Variants in MDGA2 observed in about 807,000 individuals in gnomAD.
The protein encoded by MDGA2 is MAM domain containing glycosylphosphatidylinositol anchor 2.
A neutral mutation model predicts 117.8 loss-of-function variants in MDGA2; 40 were observed. The ratio of observed to expected loss-of-function variants is 0.34; its 90% CI spans 0.26 to 0.44. MDGA2 has a LOEUF of 0.44. Ranked by LOEUF, MDGA2 falls within the 20% of genes least tolerant of loss-of-function variation. The probability of loss-of-function intolerance (pLI) is 1.00; values close to 1 mark genes in which losing one functional copy is unlikely to be tolerated. For missense variants in MDGA2, 1,123 were observed against 1,250.6 expected, an observed-to-expected ratio of 0.90 and a Z score of 1.54; for synonymous variants, 452 against 439.0, an observed-to-expected ratio of 1.03 and a Z score of -0.37.
chr14:46,901,239 C>T (rs974700277), intron 10 of MDGA2, among the ~76,000 whole-genome samples: 3 of 151,542 alleles, frequency 2.0e-5, no homozygotes, highest in African/African-American at 4.9e-5. Flanking sequence ...TGCCAATTGA[C>T]GAGTTAATGG....
intron 3 of MDGA2, among the ~76,000 whole-genome samples, chr14:47,202,159 TAAAACTTA>T (rs1885530875): frequency 3.9e-5 from 6 of 152,194 alleles, no homozygotes; most frequent in Admixed American, 2.6e-4. Flanking sequence ...TCTATAGTTG[TAAAACTTA>T]AAATCCTTAT....
At chr14:47,561,158 G>GTTCTTTTTTT (rs1895799924) in intron 1 of MDGA2, among the ~76,000 whole-genome samples, 1 of 55,076 alleles carries the variant, frequency 1.8e-5, no homozygotes, top group African/African-American at 4.6e-5. Context: ...TTTTTGTTTT[G>GTTCTTTTTTT]TTTTGTTTTT....
At chr14:47,032,956 T>G (rs1478147345) in intron 8 of MDGA2, among the ~76,000 whole-genome samples, 1 of 152,158 alleles carries the variant, frequency 6.6e-6, no homozygotes, top group Non-Finnish European at 1.5e-5. Context: ...GAAATGCAGT[T>G]GGATTATAAC....
intron 9 of MDGA2, among the ~76,000 whole-genome samples, chr14:46,932,118 T>C (rs990030889): frequency 7.9e-5 from 12 of 152,144 alleles, no homozygotes; most frequent in African/African-American, 2.9e-4. Flanking sequence ...TCTCATGATA[T>C]ACAGTTCATT....
intron 2 of MDGA2, among the ~76,000 whole-genome samples, chr14:47,296,276 T>C (rs552344365): frequency 6.6e-6 from 1 of 152,202 alleles, no homozygotes; most frequent in East Asian, 1.9e-4. Context: ...CTTGCTAAAG[T>C]AGCTACAAAA....
At chr14:47,392,327 A>C (rs1891914815) in intron 1 of MDGA2, among the ~76,000 whole-genome samples, 1 of 152,112 alleles carries the variant, frequency 6.6e-6, no homozygotes, top group Non-Finnish European at 1.5e-5. Flanking sequence ...AGTGGTGGAA[A>C]ACTGTCGCCA....
chr14:47,476,640 T>G (rs141751762), intron 1 of MDGA2, among the ~76,000 whole-genome samples: 13 of 152,298 alleles, frequency 8.5e-5, no homozygotes, highest in African/African-American at 2.9e-4. Context: ...GTTTATCATT[T>G]AGCATGAGAT....
Position 47,165,279 on chromosome 14 carries a change from T to C in MDGA2, c.596-21005A>G, listed in dbSNP as rs1883824003. On this transcript the variant is annotated intron_variant, in intron 3 of 16. Transcript: ENST00000399232. ...AAAATACAAAAAAAGAACAGTCCCA[T>C]TTCTGTAATTAAAATATCCAGTTCA... Among the ~76,000 whole-genome samples the C allele has an allele frequency of 2.0e-5, 3 of 152,160 alleles. No homozygotes were observed. In the South Asian group the frequency reaches 6.2e-4, roughly 31 times the overall value.
intron 1 of MDGA2, among the ~76,000 whole-genome samples, chr14:47,480,824 T>C (rs995717808): frequency 1.3e-5 from 2 of 151,950 alleles, no homozygotes; most frequent in Non-Finnish European, 2.9e-5. Context: ...TCTTCTGTAA[T>C]AGGACAACGT....
At chr14:47,277,028 C>T (rs1158568484) in intron 2 of MDGA2, among the ~76,000 whole-genome samples, 7 of 152,160 alleles carry the variant, frequency 4.6e-5, no homozygotes, top group Admixed American at 6.5e-5. Context: ...GGCCTGACCA[C>T]GGCGGACAGG....
chr14:47,498,015 C>T (rs1566485929), intron 1 of MDGA2, among the ~76,000 whole-genome samples: 1 of 152,114 alleles, frequency 6.6e-6, no homozygotes, highest in East Asian at 1.9e-4. Context: ...CAAAAATTCA[C>T]TTTGTATGTT....
At chr14:47,282,399 G>T (rs898072553) in intron 2 of MDGA2, among the ~76,000 whole-genome samples, 2 of 152,142 alleles carry the variant, frequency 1.3e-5, no homozygotes, top group African/African-American at 4.8e-5. Flanking sequence ...TTCAAACAGG[G>T]TAGGGTGTGG....
intron 1 of MDGA2, among the ~76,000 whole-genome samples, chr14:47,456,132 G>A (rs1893346718): frequency 6.6e-6 from 1 of 152,058 alleles, no homozygotes. Context: ...AGTGAAAGAA[G>A]GAAAGGAGGG....
At chr14:47,285,853 T>A (rs1358887341) in intron 2 of MDGA2, among the ~76,000 whole-genome samples, 3 of 152,076 alleles carry the variant, frequency 2.0e-5, no homozygotes, top group Admixed American at 1.3e-4. Flanking sequence ...AAAAGCAGCA[T>A]AATTAATTAA....
At chr14:46,920,898 T>C (rs982088521) in intron 9 of MDGA2, among the ~76,000 whole-genome samples, 3 of 152,188 alleles carry the variant, frequency 2.0e-5, no homozygotes, top group African/African-American at 7.2e-5. Flanking sequence ...AATTAATTAA[T>C]AAAAGATCTG....
chr14:47,151,748 AATT>A lies in MDGA2; in HGVS notation c.596-7477_596-7475del, dbSNP rs1467999413. 3.9e-5 allele frequency among the ~76,000 whole-genome samples: 6 copies of A among 151,904 alleles called. No individual in the cohort carries two copies. In the East Asian group the frequency reaches 1.2e-3, roughly 29 times the overall value. On this transcript the variant is annotated intron_variant, in intron 3 of 16. Coordinates refer to ENST00000399232, the MANE Select transcript of MDGA2 (RefSeq NM_001113498.3). ...TTCACATATATACAGTAATGTAAAT[AATT>A]ATCTTATTTGATATGTATTTATTTT...
In MDGA2 at chr14:47,282,574, G is replaced by A. The variant is rs571577397; in HGVS notation, c.420+18837C>T. Among the ~76,000 whole-genome samples, 143 of 151,648 alleles carry A rather than the reference G, an allele frequency of 9.4e-4. 1 individual carries two copies. Among genetic ancestry groups the A allele is most frequent in the African/African-American group, 3.1e-3 (129 of 41,314 alleles). On this transcript the variant is annotated intron_variant, in intron 2 of 16. Transcript: ENST00000399232. ...TTAGCCGGGTGTGGCGGCAGGCGCC[G>A]GTAGTCCCAGCTATTCGGGAGGCTG...
rs1186338660 is a variant in MDGA2, at chr14:47,038,798, C to T, written c.1526-3494G>A. ...AAAAATACAAAAAAAAAAAATTAGT[C>T]GGGCGTGGCAGTGGGCGCCTGGAGT... On this transcript the variant is annotated intron_variant, in intron 7 of 16. Transcript: ENST00000399232. 7.9e-5 allele frequency among the ~76,000 whole-genome samples: 12 copies of T among 151,284 alleles called. 1 individual carries two copies. The highest frequency in any genetic ancestry group is 1.5e-5 in the Non-Finnish European group (1 of 67,824).
chr14:47,587,194 T>A (rs1052984700), intron 1 of MDGA2, among the ~76,000 whole-genome samples: 1 of 151,594 alleles, frequency 6.6e-6, no homozygotes, highest in Non-Finnish European at 1.5e-5. Context: ...AACAAATGGG[T>A]ACTAGGCTTA....
Sources: allele counts gnomAD v4.1 joint callset (sites outside exome capture counted in the v4.1 genomes callset), GRCh38; gene constraint gnomAD v4.1.1; transcripts MANE v1.5; gene names NCBI Gene and HGNC (gene_info 2026-07-23, HGNC 2026-07-21).